Variants in FHL5 observed in about 807,000 individuals in gnomAD.
FHL5 encodes the protein four and a half LIM domains 5.
Under a neutral mutation model 32.0 loss-of-function variants are expected in FHL5, and 33 were observed. That is an observed-to-expected ratio of 1.03 (90% CI 0.78 to 1.38). FHL5 has a LOEUF of 1.38. FHL5 is among the 40% of genes most tolerant of loss of function. The probability of loss-of-function intolerance (pLI) is 0.00; values close to 1 mark genes in which losing one functional copy is unlikely to be tolerated. For missense variants in FHL5, 336 were observed against 343.9 expected, an observed-to-expected ratio of 0.98 and a Z score of 0.18; for synonymous variants, 114 against 113.6, an observed-to-expected ratio of 1.00 and a Z score of -0.02.
intron 1 of FHL5, among the ~76,000 whole-genome samples, chr6:96,591,916 G>A (rs952129806): frequency 2.0e-5 from 3 of 152,136 alleles, no homozygotes. Context: ...TTTTTATTAG[G>A]GATTTTCAAT....
At position 96,610,954 on chromosome 6, in the gene FHL5, T is replaced by G. The variant is rs74868991; in HGVS notation, c.691+196T>G. On this transcript the variant is annotated intron_variant, in intron 5 of 5. Transcript: ENST00000450218. Reference sequence around the variant, plus strand: ...CCTCAAGGAAAGTACAAGAGTATAATTTGGGTGACTATACTCTGTGAAGGT... The same window carrying G: ...CCTCAAGGAAAGTACAAGAGTATAAGTTGGGTGACTATACTCTGTGAAGGT... 7.7e-4 allele frequency among the ~76,000 whole-genome samples: 118 copies of G among 152,296 alleles called. No individual in the cohort carries two copies. In the East Asian group the frequency reaches 0.022, roughly 28 times the overall value.
chr6:96,596,283 C>G (rs1385492627), intron 1 of FHL5, among the ~76,000 whole-genome samples: 1 of 152,030 alleles, frequency 6.6e-6, no homozygotes, highest in African/African-American at 2.4e-5. Context: ...TACTTTCTTG[C>G]CAGTTCGGCA....
At chr6:96,581,047 C>T (rs1331851632) in intron 1 of FHL5, among the ~76,000 whole-genome samples, 5 of 151,998 alleles carry the variant, frequency 3.3e-5, no homozygotes, top group Non-Finnish European at 7.4e-5. Flanking sequence ...TTGATTCTCC[C>T]ATATTTTAGG....
intron 1 of FHL5, among the ~76,000 whole-genome samples, chr6:96,570,006 G>A (rs1770442161): frequency 6.6e-6 from 1 of 151,652 alleles, no homozygotes; most frequent in Admixed American, 6.6e-5. Context: ...ATTGTGGTTT[G>A]GTGGTTTTCT....
chr6:96,598,669 T>C (rs1331101517), intron 1 of FHL5, among the ~76,000 whole-genome samples: 1 of 152,208 alleles, frequency 6.6e-6, no homozygotes, highest in African/African-American at 2.4e-5. Context: ...CCTTGGATAT[T>C]TTTTAAATTC....
intron 1 of FHL5, among the ~76,000 whole-genome samples, chr6:96,567,373 C>T (rs1562050171): frequency 1.3e-5 from 2 of 151,910 alleles, no homozygotes; most frequent in African/African-American, 2.4e-5. Context: ...CAATATCATG[C>T]TATCCGGGTT....
intron 5 of FHL5, among the ~76,000 whole-genome samples, chr6:96,611,674 T>C (rs2127975596): frequency 6.6e-6 from 1 of 152,312 alleles, no homozygotes; most frequent in African/African-American, 2.4e-5. Context: ...ATCCCTTTCC[T>C]CCTTCTTCAT....
intron 1 of FHL5, among the ~76,000 whole-genome samples, chr6:96,568,414 T>C (rs1443590596): frequency 6.6e-6 from 1 of 151,870 alleles, no homozygotes; most frequent in Non-Finnish European, 1.5e-5. Flanking sequence ...CATTGGCTTA[T>C]AGTTTTCTTT....
chr6:96,582,357 A>C (rs1249479366), intron 1 of FHL5, among the ~76,000 whole-genome samples: 2 of 152,124 alleles, frequency 1.3e-5, no homozygotes, highest in Admixed American at 1.3e-4. Context: ...AGTGAGAAAA[A>C]AAAAGGATGA....
intron 1 of FHL5, among the ~76,000 whole-genome samples, chr6:96,571,304 T>C (rs1054494190): frequency 1.3e-5 from 2 of 152,176 alleles, no homozygotes; most frequent in Non-Finnish European, 2.9e-5. Context: ...AGCCTACGCT[T>C]AGAGGTTTGT....
intron 2 of FHL5, 125 bp downstream of exon 2, chr6:96,603,897 TAA>T: frequency 1.4e-6 from 1 of 729,588 alleles, no homozygotes; most frequent in Non-Finnish European, 2.2e-6. Flanking sequence ...ATAAGGATCT[TAA>T]AAGTTACCAG....
At chr6:96,608,188 T>C (rs1018452991) in intron 4 of FHL5, among the ~76,000 whole-genome samples, 4 of 152,136 alleles carry the variant, frequency 2.6e-5, no homozygotes, top group Non-Finnish European at 5.9e-5. Context: ...GAAGACTCTT[T>C]CAATGCTATA....
intron 1 of FHL5, among the ~76,000 whole-genome samples, chr6:96,586,915 C>A (rs1167403475): frequency 6.6e-6 from 1 of 152,154 alleles, no homozygotes; most frequent in Non-Finnish European, 1.5e-5. Context: ...GATCTTGAAG[C>A]ATTTATTTGA....
intron 1 of FHL5, among the ~76,000 whole-genome samples, chr6:96,565,414 CTG>C (rs1337121128): frequency 2.0e-5 from 3 of 152,110 alleles, no homozygotes; most frequent in African/African-American, 7.2e-5. Flanking sequence ...ATTAAAACAG[CTG>C]TGTTATAGAA....
At chr6:96,611,950 T>C (rs1344088135) in intron 5 of FHL5, among the ~76,000 whole-genome samples, 1 of 152,182 alleles carries the variant, frequency 6.6e-6, no homozygotes. Flanking sequence ...GTAAAATCCA[T>C]CTCTGCAGCT....
chr6:96,609,173 C>T (rs1771345215), intron 4 of FHL5, among the ~76,000 whole-genome samples: 1 of 151,950 alleles, frequency 6.6e-6, no homozygotes, highest in African/African-American at 2.4e-5. Flanking sequence ...ATTAAAAATA[C>T]CTTTAGAATA....
chr6:96,613,773 A>G (rs1167592393), intron 5 of FHL5, among the ~76,000 whole-genome samples: 1 of 152,202 alleles, frequency 6.6e-6, no homozygotes, highest in African/African-American at 2.4e-5. Flanking sequence ...TAGCTGGGTG[A>G]CCTGGGGCAA....
In FHL5 at chr6:96,613,648, C is replaced by T. The variant is rs764400220; in HGVS notation, c.692-1961C>T. 9.9e-5 allele frequency among the ~76,000 whole-genome samples: 15 copies of T among 152,282 alleles called. No individual in the cohort carries two copies. In the East Asian group the frequency reaches 2.9e-3, roughly 29 times the overall value. On this transcript the variant is annotated intron_variant, in intron 5 of 5. Transcript: ENST00000450218. ...TTCTTCAGAGAGTGATGCTGATGTT[C>T]CTGATCATATTCTTTACCAAAGATA...
chr6:96,610,422 C>T, intron 4 of FHL5, 150 bp from the exon 5 acceptor site: 1 of 609,566 alleles, frequency 1.6e-6, no homozygotes. Context: ...GCCAAAAGCA[C>T]CAGTTGTGGC....
Sources: gnomAD v4.1 joint callset for allele counts (sites outside exome capture counted in the v4.1 genomes callset) on GRCh38, gnomAD v4.1.1 for gene constraint, MANE v1.5 for transcripts, NCBI Gene and HGNC (gene_info 2026-07-23, HGNC 2026-07-21) for gene names.